Variants in DNAH6 observed in about 807,000 individuals in gnomAD.
The protein encoded by DNAH6 is axonemal beta dynein heavy chain 6.
In DNAH6, 340 loss-of-function variants were observed where a neutral mutation model predicts 491.4. The observed-to-expected ratio is 0.69, with a 90% CI of 0.63 to 0.76. DNAH6 has a LOEUF of 0.76. Among genes scored for constraint, DNAH6 ranks in the 30% least tolerant of loss-of-function variants. The pLI is 0.00. For synonymous variants in DNAH6, 1,603 were observed against 1,686.1 expected (o/e 0.95, Z 1.21); for missense variants, 4,443 against 4,972.2 (o/e 0.89, Z 3.20).
chr2:84,748,400 T>G (rs1367966798), intron 63 of DNAH6, among the ~76,000 whole-genome samples: 2 of 152,196 alleles, frequency 1.3e-5, no homozygotes, highest in East Asian at 3.8e-4. Context: ...TATGAAAAAT[T>G]TGAAATTTCT....
At chr2:84,580,072 G>A (rs929473621) in intron 14 of DNAH6, among the ~76,000 whole-genome samples, 4 of 152,138 alleles carry the variant, frequency 2.6e-5, no homozygotes, top group African/African-American at 9.7e-5. Flanking sequence ...AATGTTCTCA[G>A]CCATAGGTTA....
chr2:84,495,270 C>T, the DNAH6 span, among the ~76,000 whole-genome samples: 3 of 152,252 alleles, frequency 2.0e-5, no homozygotes, highest in African/African-American at 7.2e-5. Context: ...TCACTCGATT[C>T]TCCTGCCTCA....
In DNAH6 at chr2:84,653,644, T is replaced by C. The variant is rs770056141; in HGVS notation, c.5404T>C (p.Tyr1802His). The C allele has an allele frequency of 2.4e-5, 38 of 1,551,114 alleles. No individual in the cohort carries two copies. The highest frequency in any genetic ancestry group is 5.9e-5 in the Admixed American group (3 of 50,960). The change falls in exon 34 of 77, where the codon TAT becomes CAT. Residue 1802 changes from tyrosine (Y) to histidine (H), a missense_variant. This residue lies in a region of DNAH6 where 2,977 missense variants were observed against 3,296.6 expected (regional missense o/e 0.90). Transcript: ENST00000389394. ...NPKSITMGEL[Y>H]GEVNNLTLEW... is the part of the protein sequence containing the mutation. The stretch of plus-strand genomic sequence containing the variant: ...TAAATCAATTACCATGGGTGAATTA[T>C]ATGGAGAGGTTAATAACTTAACCTT...
At position 84,588,894 on chromosome 2, in the gene DNAH6, T is replaced by C; in HGVS notation, c.2550T>C (p.Ser850=). 6.4e-7 allele frequency: 1 copy of C among 1,550,816 alleles called. No homozygotes were observed. The highest frequency in any genetic ancestry group is 2.5e-5 in the East Asian group (1 of 40,786). ...GGCTCATATTGAATAATCTGCAATC[T>C]GTTCTGGCTGATCTTCAGAAACGTG... ...KIRLILNNLQ[S]VLADLQKRAF... Residue 850 remains serine (S), a synonymous_variant, in exon 16 of 77, where the codon TCT becomes TCC. Transcript: ENST00000389394.
intron 61 of DNAH6, among the ~76,000 whole-genome samples, chr2:84,730,181 A>C (rs549780072): frequency 6.6e-6 from 1 of 152,330 alleles, no homozygotes; most frequent in African/African-American, 2.4e-5. Context: ...GGTGGCAACA[A>C]CAACAAAAGG....
At chr2:84,605,799 T>A (rs1685700702) in intron 20 of DNAH6, among the ~76,000 whole-genome samples, 1 of 152,214 alleles carries the variant, frequency 6.6e-6, no homozygotes, top group South Asian at 2.1e-4. Context: ...TTCATATATA[T>A]GTAAGAGTTG....
rs1009151454 is a variant in DNAH6, at chr2:84,709,558, A to G, written c.9252+12A>G. The G allele has an allele frequency of 2.6e-6, 4 of 1,551,256 alleles. No individual in the cohort carries two copies. In the African/African-American group the frequency reaches 5.5e-5, roughly 21 times the overall value. On this transcript the variant is annotated intron_variant, in intron 55 of 76. Transcript: ENST00000389394. ...ATCCCCAAGATCAGGTGTGTAGCAA[A>G]TGCTTAAGAGAGTGGCTTTTGGTTC...
intron 63 of DNAH6, among the ~76,000 whole-genome samples, chr2:84,760,726 A>G (rs919926419): frequency 6.6e-6 from 1 of 152,176 alleles, no homozygotes; most frequent in Non-Finnish European, 1.5e-5. Context: ...AAATTAGTGC[A>G]ACCTCCATGG....
At chr2:84,710,186 C>A in intron 55 of DNAH6, 101 bp from the exon 56 acceptor site, 5 of 1,435,736 alleles carry the variant, frequency 3.5e-6, no homozygotes, top group Non-Finnish European at 4.6e-6. Flanking sequence ...AAATTTGTTT[C>A]TAGATTGAAT....
chr2:84,467,317 C>A, the DNAH6 span, among the ~76,000 whole-genome samples: 77 of 152,298 alleles, frequency 5.1e-4, no homozygotes, highest in African/African-American at 1.8e-3. Flanking sequence ...ACTTTTCTTA[C>A]ACATCTTGCA....
At chr2:84,570,199 A>T (rs756915748) in intron 11 of DNAH6, among the ~76,000 whole-genome samples, 2 of 152,232 alleles carry the variant, frequency 1.3e-5, no homozygotes, top group Admixed American at 1.3e-4. Context: ...CAATGGAGAC[A>T]TGTAAAAAAG....
At position 84,681,471 on chromosome 2, in the gene DNAH6, A is replaced by G. The variant is rs1693767498; in HGVS notation, c.6859A>G (p.Thr2287Ala). ...YNKMSVDLLP[T>A]PAKSHYVFNL... ...CAAAATGAGTGTTGACCTCCTGCCA[A>G]CACCCGCCAAGTCCCATTATGTCTT... The change falls in exon 42 of 77, where the codon ACA becomes GCA. Residue 2287 changes from threonine to alanine, a missense_variant. By Grantham distance (58) the Thr-to-Ala change is moderately conservative (BLOSUM62 0). Coordinates refer to ENST00000389394, the MANE Select transcript of DNAH6 (RefSeq NM_001370.2). 4 of 1,551,366 alleles carry G rather than the reference A, an allele frequency of 2.6e-6. No individual in the cohort carries two copies. In the African/African-American group the frequency reaches 4.1e-5, roughly 16 times the overall value.
intron 35 of DNAH6, among the ~76,000 whole-genome samples, chr2:84,656,638 G>T (rs1690998744): frequency 6.6e-6 from 1 of 151,930 alleles, no homozygotes; most frequent in African/African-American, 2.4e-5. Context: ...TGGGTTGTTT[G>T]TTTTCTTATT....
intron 21 of DNAH6, among the ~76,000 whole-genome samples, chr2:84,607,546 C>G (rs780135819): frequency 6.6e-6 from 1 of 152,152 alleles, no homozygotes; most frequent in Admixed American, 6.6e-5. Context: ...TGCTCACTCT[C>G]TGAATGACAA....
intron 64 of DNAH6, among the ~76,000 whole-genome samples, chr2:84,781,249 C>T (rs1192375): frequency 0.12 from 17,875 of 152,018 alleles, 1,088 homozygotes; most frequent in Non-Finnish European, 0.13. Flanking sequence ...TCTTCTCAAC[C>T]GCAGGTATTG....
chr2:84,813,127 A>C lies in DNAH6; in HGVS notation c.11995A>C (p.Thr3999Pro), dbSNP rs1316087223. The change falls in exon 74 of 77, where the codon ACA becomes CCA. Residue 3999 changes from threonine to proline, a missense_variant. Physicochemically the swap from Thr to Pro is conservative, Grantham distance 38. Coordinates refer to ENST00000389394, the MANE Select transcript of DNAH6 (RefSeq NM_001370.2). ...TTTCTTCTTTCCTCAAGGATTTCTAACAGGTACCAGCGCTTTCTAGAAAAA... is the reference window on the plus strand; with the variant it reads ...TTTCTTCTTTCCTCAAGGATTTCTACCAGGTACCAGCGCTTTCTAGAAAAA... ...SGFFFPQGFL[T>P]GTLQNHARKY... The C allele has an allele frequency of 6.4e-7, 1 of 1,551,072 alleles. No individual in the cohort carries two copies. The highest frequency in any genetic ancestry group is 1.4e-5 in the African/African-American group (1 of 73,028).
intron 31 of DNAH6, among the ~76,000 whole-genome samples, chr2:84,638,153 T>TA (rs1268242770): frequency 6.6e-6 from 1 of 152,092 alleles, no homozygotes; most frequent in Non-Finnish European, 1.5e-5. Flanking sequence ...AATAGTTTTT[T>TA]AAAAAGAATT....
intron 11 of DNAH6, among the ~76,000 whole-genome samples, chr2:84,571,591 G>A (rs1426591350): frequency 1.3e-5 from 2 of 151,976 alleles, no homozygotes; most frequent in African/African-American, 4.8e-5. Flanking sequence ...GTCATGCAAG[G>A]CAAAGAAAGA....
intron 29 of DNAH6, among the ~76,000 whole-genome samples, chr2:84,628,255 A>G (rs1005590693): frequency 6.6e-6 from 1 of 152,212 alleles, no homozygotes; most frequent in African/African-American, 2.4e-5. Context: ...TTTCTGCAAC[A>G]TAAGATTTCT....
Sources: gnomAD v4.1 joint callset for allele counts (sites outside exome capture counted in the v4.1 genomes callset) on GRCh38, gnomAD v4.1.1 for gene constraint, gnomAD v4.1.1 regional missense constraint, MANE v1.5 for transcripts, NCBI Gene and HGNC (gene_info 2026-07-23, HGNC 2026-07-21) for gene names.